MRGBP: variants seen among roughly 807,000 people sequenced by gnomAD.
MRGBP encodes the protein MRG domain binding protein.
Under a neutral mutation model 21.5 loss-of-function variants are expected in MRGBP, and 5 were observed. The ratio of observed to expected loss-of-function variants is 0.23; its 90% CI spans 0.12 to 0.49. The LOEUF is 0.49. Ranked by LOEUF, MRGBP falls within the 20% of genes least tolerant of loss-of-function variation. MRGBP has a pLI of 0.98. For missense variants in MRGBP, 227 were observed against 277.4 expected, an observed-to-expected ratio of 0.82 and a Z score of 1.29; for synonymous variants, 118 against 104.4, an observed-to-expected ratio of 1.13 and a Z score of -0.79.
In MRGBP at chr20:62,799,481, G is replaced by A. The variant is rs775851144; in HGVS notation, c.453G>A (p.Gly151=). 1.2e-6 allele frequency: 2 copies of A among 1,613,022 alleles called. No homozygotes were observed. Among genetic ancestry groups the A allele is most frequent in the Non-Finnish European group, 1.7e-6 (2 of 1,179,512 alleles). Residue 151 remains glycine, a synonymous_variant, in exon 5 of 5, where the codon GGG becomes GGA. Transcript: ENST00000370487. ...TTTTTTCATCTTCAGGGAGTTTGGGGAAAGCATCAGAAAAATCCAGCAAAG... is the reference window on the plus strand; with the variant it reads ...TTTTTTCATCTTCAGGGAGTTTGGGAAAAGCATCAGAAAAATCCAGCAAAG... The part of the protein sequence containing the change: ...DDVFSSSGSL[G]KASEKSSKDK...
chr20:62,799,135 G>T, intron 4 of MRGBP, 86 bp downstream of exon 4: 2 of 1,417,418 alleles, frequency 1.4e-6, no homozygotes. Flanking sequence ...TCAGGTGGGC[G>T]TAGAGCCTGC....
chr20:62,800,768 G>A lies in MRGBP; in HGVS notation c.*1125G>A, dbSNP rs1428981523. ...TCTGAGTGGTTATTTTGTGGACTGTGACAAGCACTTCAAATACAAAATGTT... is the reference window on the plus strand; with the variant it reads ...TCTGAGTGGTTATTTTGTGGACTGTAACAAGCACTTCAAATACAAAATGTT... On this transcript the variant is annotated 3_prime_UTR_variant, in exon 5 of 5. Coordinates refer to ENST00000370487, the MANE Select transcript of MRGBP (RefSeq NM_018270.6). 1 of 152,236 alleles carries A rather than the reference G, an allele frequency of 6.6e-6. No individual in the cohort carries two copies. Among genetic ancestry groups the A allele is most frequent in the African/African-American group, 2.4e-5 (1 of 41,458 alleles). 9.4% of individuals were successfully genotyped at this position (152,236 alleles called of 1,614,324 possible).
chr20:62,797,273 G>C, intron 2 of MRGBP, 42 bp downstream of exon 2: 6 of 1,513,400 alleles, frequency 4.0e-6, no homozygotes, highest in Non-Finnish European at 5.3e-6. Flanking sequence ...ATGGGGGCAC[G>C]AACCCGCACA....
intron 3 of MRGBP, 73 bp downstream of exon 3, chr20:62,798,741 T>C: frequency 1.3e-6 from 2 of 1,594,510 alleles, no homozygotes; most frequent in Non-Finnish European, 1.7e-6. Flanking sequence ...GAGGTGAGGG[T>C]GAGGACCCCG....
rs1990342183 is a variant in MRGBP, at chr20:62,796,678, GC to G, written c.148+10del. The G allele has an allele frequency of 1.5e-6, 2 of 1,294,820 alleles. No homozygotes were observed. Among genetic ancestry groups the G allele is most frequent in the Non-Finnish European group, 9.8e-7 (1 of 1,018,172 alleles). 80.2% of individuals were successfully genotyped at this position (1,294,820 alleles called of 1,614,324 possible). On this transcript the variant is annotated splice_region_variant and intron_variant, in intron 1 of 4. Transcript: ENST00000370487. The stretch of plus-strand genomic sequence containing the variant: ...CTGGGCCACAAGCCCGTCGGTGAGC[GC>G]CCAGGCTGCGGACGCGCGTGGGGGC...
rs760594787 is a variant in MRGBP, at chr20:62,799,815, G to A, written c.*172G>A. Reference sequence around the variant, plus strand: ...AACGTGGCCGTCAGCGGGGAAACGTGTGTGTCAGTTGGACCATGTGGGACC... The same window carrying A: ...AACGTGGCCGTCAGCGGGGAAACGTATGTGTCAGTTGGACCATGTGGGACC... On this transcript the variant is annotated 3_prime_UTR_variant, in exon 5 of 5. Transcript: ENST00000370487. The A allele has an allele frequency of 7.1e-5, 49 of 690,178 alleles. No individual in the cohort carries two copies. The highest frequency in any genetic ancestry group is 1.1e-4 in the Non-Finnish European group (46 of 423,054). 42.8% of individuals were successfully genotyped at this position (690,178 alleles called of 1,614,324 possible). A position where few individuals can be genotyped will look rare whatever the true frequency, so the allele number is the denominator to read the frequency against.
rs768409841 is a variant in MRGBP at position 62,796,556 on chromosome 20, C to T, written c.33C>T (p.Ala11=). 4.3e-5 allele frequency: 52 copies of T among 1,211,668 alleles called. No homozygotes were observed. The highest frequency in any genetic ancestry group is 3.2e-4 in the Middle Eastern group (1 of 3,122). 75.1% of individuals were successfully genotyped at this position (1,211,668 alleles called of 1,614,324 possible). A position where few individuals can be genotyped will look rare whatever the true frequency, so the allele number is the denominator to read the frequency against. Residue 11 remains alanine, a synonymous_variant, in exon 1 of 5, where the codon GCC becomes GCT. Coordinates refer to ENST00000370487, the MANE Select transcript of MRGBP (RefSeq NM_018270.6). Reference sequence around the variant, plus strand: ...AGGCCGAGGTGGGCGGCGGGGGCGCCGCAGGCGACAAGGGCCCGGGGGAGG... The same window carrying T: ...AGGCCGAGGTGGGCGGCGGGGGCGCTGCAGGCGACAAGGGCCCGGGGGAGG... MGEAEVGGGG[A]AGDKGPGEAA...
At chr20:62,799,117 G>C (rs1990399769) in intron 4 of MRGBP, 68 bp downstream of exon 4, 1 of 1,515,548 alleles carries the variant, frequency 6.6e-7, no homozygotes. Context: ...CCTTCAGGCA[G>C]GGCACAGTCA....
In MRGBP at chr20:62,796,622, C is replaced by A; in HGVS notation, c.99C>A (p.Pro33=). 1 of 1,332,070 alleles carries A rather than the reference C, an allele frequency of 7.5e-7. No individual in the cohort carries two copies. The highest frequency in any genetic ancestry group is 9.6e-7 in the Non-Finnish European group (1 of 1,037,994). 82.5% of individuals were successfully genotyped at this position (1,332,070 alleles called of 1,614,324 possible). ...CGGAGGAGACAGTGGTGTGGAGCCC[C>A]GAGGTGGAGGTGTGCCTCTTCCACG... ...SPAEETVVWS[P]EVEVCLFHAM... Residue 33 remains proline, a synonymous_variant, in exon 1 of 5, where the codon CCC becomes CCA. Coordinates refer to ENST00000370487, the MANE Select transcript of MRGBP (RefSeq NM_018270.6).
Position 62,797,251 on chromosome 20 carries a change from C to A in MRGBP, c.270+20C>A. On this transcript the variant is annotated intron_variant, in intron 2 of 4. Coordinates refer to ENST00000370487, the MANE Select transcript of MRGBP (RefSeq NM_018270.6). ...GCGCTGGTGAGCCCAACCGCCCTCC[C>A]TGTGCCGCCCGATGGGGGCACGAAC... is the stretch of plus-strand genomic sequence containing the variant. The A allele has an allele frequency of 6.5e-7, 1 of 1,538,462 alleles. No homozygotes were observed. Among genetic ancestry groups the A allele is most frequent in the South Asian group, 1.2e-5 (1 of 80,762 alleles).
chr20:62,798,724 G>A (rs1990390028), intron 3 of MRGBP, 56 bp downstream of exon 3: 1 of 1,601,274 alleles, frequency 6.2e-7, no homozygotes, highest in Non-Finnish European at 8.6e-7. Context: ...CCCTGGCCAA[G>A]GGCAGGGAGG....
Position 62,801,253 on chromosome 20 carries a change from GT to G in MRGBP, c.*1611del, listed in dbSNP as rs773881924. ...TAGAGCAGCTGCCTGGGGGGACCCT[GT>G]GGGTCCCTTTTCTATAGAGCCGGGA... On this transcript the variant is annotated 3_prime_UTR_variant, in exon 5 of 5. Transcript: ENST00000370487. 1.3e-5 allele frequency: 2 copies of G among 152,212 alleles called. No individual in the cohort carries two copies. Among genetic ancestry groups the G allele is most frequent in the Non-Finnish European group, 2.9e-5 (2 of 68,052 alleles). 9.4% of individuals were successfully genotyped at this position (152,212 alleles called of 1,614,324 possible).
In MRGBP at chr20:62,798,577, T is replaced by C. The variant is rs775400241; in HGVS notation, c.271-10T>C. On this transcript the variant is annotated splice_polypyrimidine_tract_variant and intron_variant, in intron 2 of 4. Coordinates refer to ENST00000370487, the MANE Select transcript of MRGBP (RefSeq NM_018270.6). ...TTGTTTCTTAAACAAAACTCTCTAT[T>C]TGATATCAGCATGAGTCTGAGATTC... is the stretch of plus-strand genomic sequence containing the variant. 1.1e-5 allele frequency: 17 copies of C among 1,610,218 alleles called. No individual in the cohort carries two copies. Among genetic ancestry groups the C allele is most frequent in the Non-Finnish European group, 1.4e-5 (17 of 1,176,794 alleles).
In MRGBP at chr20:62,800,521, A is replaced by C. The variant is rs543558684; in HGVS notation, c.*878A>C. On this transcript the variant is annotated 3_prime_UTR_variant, in exon 5 of 5. Transcript: ENST00000370487. ...ACCGTGCAGCTGTCGGCTGATGAGG[A>C]GGCGGCCGCCCCAGTGCTGATGGAG... 1.8e-4 allele frequency: 28 copies of C among 152,470 alleles called. No homozygotes were observed. Among genetic ancestry groups the C allele is most frequent in the African/African-American group, 6.3e-4 (26 of 41,548 alleles). The allele number at this position is 152,470 out of a possible 1,614,324, so 9.4% of individuals were successfully genotyped here.
chr20:62,799,370 G>T, intron 4 of MRGBP, 86 bp from the exon 5 acceptor site: 1 of 1,405,576 alleles, frequency 7.1e-7, no homozygotes, highest in Non-Finnish European at 9.7e-7. Context: ...TCACGTGTCA[G>T]TATGCAGATT....
chr20:62,799,157 C>T, intron 4 of MRGBP, 108 bp downstream of exon 4: 18 of 1,180,926 alleles, frequency 1.5e-5, no homozygotes, highest in Non-Finnish European at 2.0e-5. Flanking sequence ...GTGCAGAGGC[C>T]CCAGGCAGGT....
chr20:62,797,938 C>A (rs906420007), intron 2 of MRGBP, among the ~76,000 whole-genome samples: 2 of 152,058 alleles, frequency 1.3e-5, no homozygotes, highest in Non-Finnish European at 2.9e-5. Flanking sequence ...GTCAGGTGAC[C>A]AGGAGGAGTG....
At chr20:62,798,212 C>T (rs1319932766) in intron 2 of MRGBP, among the ~76,000 whole-genome samples, 5 of 152,162 alleles carry the variant, frequency 3.3e-5, no homozygotes, top group Admixed American at 6.5e-5. Context: ...CTCTGCATGC[C>T]GCCTTGGGGA....
In MRGBP at chr20:62,799,699, G is replaced by A. The variant is rs1990415919; in HGVS notation, c.*56G>A. On this transcript the variant is annotated 3_prime_UTR_variant, in exon 5 of 5. Transcript: ENST00000370487. Reference sequence around the variant, plus strand: ...GGCGAGGCACTGTGGTCGCTGAGGGGGTTGGCTGGGTCTGAGTGCCACCCC... The same window carrying A: ...GGCGAGGCACTGTGGTCGCTGAGGGAGTTGGCTGGGTCTGAGTGCCACCCC... 1 of 1,550,044 alleles carries A rather than the reference G, an allele frequency of 6.5e-7. No individual in the cohort carries two copies. The highest frequency in any genetic ancestry group is 1.4e-5 in the African/African-American group (1 of 73,486).
Sources: gnomAD v4.1 joint callset for allele counts (sites outside exome capture counted in the v4.1 genomes callset) on GRCh38, gnomAD v4.1.1 for gene constraint, MANE v1.5 for transcripts, NCBI Gene and HGNC (gene_info 2026-07-23, HGNC 2026-07-21) for gene names.